NAA15: variants seen among roughly 807,000 people sequenced by gnomAD.
NAA15 encodes the protein N-alpha-acetyltransferase 15, NatA auxiliary subunit, also known as N-terminal acetyltransferase.
In NAA15, 34 loss-of-function variants were observed where a neutral mutation model predicts 114.0. That is an observed-to-expected ratio of 0.30 (90% confidence interval 0.23 to 0.40). The LOEUF is 0.40. Ranked by LOEUF, NAA15 falls within the 10% of genes least tolerant of loss-of-function variation. The pLI is 1.00. For synonymous variants in NAA15, 340 were observed against 338.0 expected, an observed-to-expected ratio of 1.01 and a Z score of -0.06; for missense variants, 658 against 1,004.5, an observed-to-expected ratio of 0.66 and a Z score of 4.66.
chr4:139,309,288 C>T (rs1746133297), intron 1 of NAA15, among the ~76,000 whole-genome samples: 1 of 148,594 alleles, frequency 6.7e-6, no homozygotes, highest in African/African-American at 2.5e-5. Flanking sequence ...GTGGAGGTTG[C>T]AGTGAGCCGA....
chr4:139,316,442 G>A (rs540738790), intron 1 of NAA15, among the ~76,000 whole-genome samples: 15 of 151,812 alleles, frequency 9.9e-5, no homozygotes, highest in Non-Finnish European at 2.2e-4. Flanking sequence ...TTTAAGTTCA[G>A]TTTGTTCATG....
intron 1 of NAA15, among the ~76,000 whole-genome samples, chr4:139,325,754 T>C (rs2110875659): frequency 6.6e-6 from 1 of 152,256 alleles, no homozygotes; most frequent in African/African-American, 2.4e-5. Flanking sequence ...GCTCAAGCCG[T>C]CCTCCCATCT....
chr4:139,361,575 A>C (rs1748132173), intron 13 of NAA15, 149 bp from the exon 14 acceptor site: 1 of 566,596 alleles, frequency 1.8e-6, no homozygotes, highest in Non-Finnish European at 3.0e-6. Flanking sequence ...TGAAATGCAA[A>C]ATATTCCTGT....
intron 1 of NAA15, among the ~76,000 whole-genome samples, chr4:139,315,707 C>T (rs1746388565): frequency 6.6e-6 from 1 of 151,782 alleles, no homozygotes; most frequent in African/African-American, 2.4e-5. Flanking sequence ...TTAGCTTTTT[C>T]ACTGAATTGA....
At chr4:139,339,855 G>T (rs1037111501) in intron 3 of NAA15, among the ~76,000 whole-genome samples, 1 of 152,176 alleles carries the variant, frequency 6.6e-6, no homozygotes, top group Non-Finnish European at 1.5e-5. Context: ...TGGGTAGCTG[G>T]TACAGTAATC....
At chr4:139,340,439 G>A (rs1430361595) in intron 3 of NAA15, among the ~76,000 whole-genome samples, 1 of 152,118 alleles carries the variant, frequency 6.6e-6, no homozygotes, top group Non-Finnish European at 1.5e-5. Flanking sequence ...AATCTTGTTA[G>A]TTCAAGAAAA....
rs1747218484 is a variant in NAA15, at chr4:139,336,917, G to A, written c.209G>A (p.Arg70His). ...GKKEEAYELV[R>H]RGLRNDLKSH... is the part of the protein sequence containing the mutation. Reference sequence around the variant, plus strand: ...AAGGAAGAAGCTTATGAATTGGTTCGTAGAGGTTTGAGAAATGACTTGAAG... The same window carrying A: ...AAGGAAGAAGCTTATGAATTGGTTCATAGAGGTTTGAGAAATGACTTGAAG... The change falls in exon 3 of 20, where the codon CGT (arginine) becomes CAT (histidine). Residue 70 changes from arginine (R) to histidine (H), a missense_variant. By Grantham distance (29) the Arg-to-His change is conservative. Coordinates refer to ENST00000296543, the MANE Select transcript of NAA15 (RefSeq NM_057175.5). 3 of 1,601,722 alleles carry A rather than the reference G, an allele frequency of 1.9e-6. No individual in the cohort carries two copies. The highest frequency in any genetic ancestry group is 1.7e-6 in the Non-Finnish European group (2 of 1,173,744).
chr4:139,341,134 T>C, intron 4 of NAA15, 65 bp downstream of exon 4: 1 of 1,121,336 alleles, frequency 8.9e-7, no homozygotes, highest in Non-Finnish European at 1.2e-6. Flanking sequence ...TTGAGTACTT[T>C]CAGATACATA....
At chr4:139,371,744 C>T (rs1483754509) in intron 15 of NAA15, among the ~76,000 whole-genome samples, 3 of 152,088 alleles carry the variant, frequency 2.0e-5, no homozygotes, top group African/African-American at 4.8e-5. Context: ...AGAACTTAAA[C>T]TTTAGACCTT....
At chr4:139,330,646 G>A (rs1158861517) in intron 1 of NAA15, among the ~76,000 whole-genome samples, 1 of 152,180 alleles carries the variant, frequency 6.6e-6, no homozygotes, top group Non-Finnish European at 1.5e-5. Flanking sequence ...GGATGGTGAA[G>A]ACTTGGTGCA....
At chr4:139,306,113 T>A (rs556562085) in intron 1 of NAA15, among the ~76,000 whole-genome samples, 15 of 152,366 alleles carry the variant, frequency 9.8e-5, no homozygotes, top group South Asian at 2.1e-4. Context: ...CCAATATTAC[T>A]CTTCTGTTTT....
At chr4:139,380,919 T>C (rs1051993292) in intron 17 of NAA15, among the ~76,000 whole-genome samples, 1 of 152,184 alleles carries the variant, frequency 6.6e-6, no homozygotes, top group African/African-American at 2.4e-5. Flanking sequence ...TTTAAAAAAA[T>C]ATGTAATTTA....
intron 2 of NAA15, among the ~76,000 whole-genome samples, chr4:139,335,611 C>T (rs147991203): frequency 0.017 from 2,635 of 152,042 alleles, 32 homozygotes; most frequent in Admixed American, 0.027. Flanking sequence ...GGTGATCCAC[C>T]CACCTCGGCC....
chr4:139,377,646 T>A (rs771566559), intron 16 of NAA15, among the ~76,000 whole-genome samples: 2 of 152,192 alleles, frequency 1.3e-5, no homozygotes, highest in Non-Finnish European at 2.9e-5. Flanking sequence ...TGAAATTTTA[T>A]TAATATATTT....
At chr4:139,341,555 C>G (rs1241920149) in intron 4 of NAA15, among the ~76,000 whole-genome samples, 1 of 124,890 alleles carries the variant, frequency 8.0e-6, no homozygotes, top group Non-Finnish European at 1.6e-5. Flanking sequence ...GATCACGCCA[C>G]TGCACTCCGG....
At chr4:139,359,324 C>T (rs907668658) in intron 11 of NAA15, among the ~76,000 whole-genome samples, 1 of 151,820 alleles carries the variant, frequency 6.6e-6, no homozygotes, top group East Asian at 2.0e-4. Flanking sequence ...GATGGGGTTT[C>T]ACCATGTTGG....
intron 1 of NAA15, among the ~76,000 whole-genome samples, chr4:139,305,580 C>T (rs1745985535): frequency 6.6e-6 from 1 of 151,010 alleles, no homozygotes; most frequent in Non-Finnish European, 1.5e-5. Flanking sequence ...TTTTGTTGCC[C>T]AGGCTGGAGG....
At chr4:139,379,042 G>C in intron 17 of NAA15, 188 bp downstream of exon 17, 1 of 414,222 alleles carries the variant, frequency 2.4e-6, no homozygotes. Context: ...AGTATTACCT[G>C]ATTTTGACAT....
intron 1 of NAA15, among the ~76,000 whole-genome samples, chr4:139,333,816 C>T (rs532046981): frequency 6.6e-6 from 1 of 152,128 alleles, no homozygotes; most frequent in African/African-American, 2.4e-5. Flanking sequence ...AGAAGTATTC[C>T]TTGGGCCCAG....
Sources: gnomAD v4.1 joint callset for allele counts (sites outside exome capture counted in the v4.1 genomes callset) on GRCh38, gnomAD v4.1.1 for gene constraint, MANE v1.5 for transcripts, NCBI Gene and HGNC (gene_info 2026-07-23, HGNC 2026-07-21) for gene names.